The following CAND1 variants were observed in gnomAD, a reference collection of about 807,000 sequenced individuals.
CAND1 encodes the protein cullin-associated NEDD8-dissociated protein 1.
Under a neutral mutation model 108.5 loss-of-function variants are expected in CAND1, and 7 were observed. That is an observed-to-expected ratio of 0.06 (90% CI 0.04 to 0.12). The LOEUF is 0.12. Ranked by LOEUF, CAND1 falls within the 10% of genes least tolerant of loss-of-function variation. CAND1 has a pLI of 1.00. For missense variants in CAND1, 941 were observed against 1,448.7 expected (o/e 0.65, Z 5.69); for synonymous variants, 534 against 512.0 (o/e 1.04, Z -0.58).
Position 67,309,898 on chromosome 12 carries a change from C to G in CAND1, c.3026-3C>G. On this transcript the variant is annotated splice_region_variant and splice_polypyrimidine_tract_variant and intron_variant, in intron 11 of 14. Coordinates refer to ENST00000545606, the MANE Select transcript of CAND1 (RefSeq NM_018448.5). The stretch of plus-strand genomic sequence containing the variant: ...GTCTGTTGCTTTTCTTGTAATATTT[C>G]AGGTGATTTCCTAAAAACTTTGGAA... 6.3e-7 allele frequency: 1 copy of G among 1,590,116 alleles called. No homozygotes were observed.
chr12:67,304,862 C>T (rs1449140647), intron 9 of CAND1, 116 bp downstream of exon 9: 13 of 1,220,982 alleles, frequency 1.1e-5, no homozygotes, highest in East Asian at 2.5e-5. Flanking sequence ...TTAATATGCA[C>T]ATAGAGCTAA....
rs1429982215 is a variant in CAND1, at chr12:67,316,509, AAGTT to A, written c.*3682_*3685del. The A allele has an allele frequency of 6.6e-6, 1 of 152,208 alleles. No homozygotes were observed. The highest frequency in any genetic ancestry group is 1.9e-4 in the East Asian group (1 of 5,194). The allele number at this position is 152,208 out of a possible 1,614,324, so 9.4% of individuals were successfully genotyped here. ...ATGTTTTTGCTCTTTGTAACTTAGA[AAGTT>A]AGCTCTGAATCCAAAAACTACTGAA... On this transcript the variant is annotated 3_prime_UTR_variant, in exon 15 of 15. Coordinates refer to ENST00000545606, the MANE Select transcript of CAND1 (RefSeq NM_018448.5).
chr12:67,302,091 A>G (rs572105842), intron 7 of CAND1, among the ~76,000 whole-genome samples: 2 of 152,258 alleles, frequency 1.3e-5, no homozygotes, highest in Non-Finnish European at 1.5e-5. Context: ...AAAATGTTTA[A>G]CTAATTAAAA....
At chr12:67,300,856 G>A (rs1212717544) in intron 7 of CAND1, among the ~76,000 whole-genome samples, 2 of 152,090 alleles carry the variant, frequency 1.3e-5, no homozygotes, top group African/African-American at 4.8e-5. Context: ...GAAAGCAGTA[G>A]CAATGTATAT....
At chr12:67,294,200 A>G (rs1442880117) in intron 3 of CAND1, among the ~76,000 whole-genome samples, 2 of 152,126 alleles carry the variant, frequency 1.3e-5, no homozygotes, top group African/African-American at 4.8e-5. Flanking sequence ...TCCGGTTCTT[A>G]CAAGAATTTT....
chr12:67,269,926 C>T (rs1227638248), intron 1 of CAND1, 141 bp downstream of exon 1: 3 of 620,638 alleles, frequency 4.8e-6, no homozygotes, highest in African/African-American at 2.0e-5. Context: ...GGTCCGCTGG[C>T]CTCCCGATCC....
chr12:67,311,870 T>G, intron 14 of CAND1, 70 bp downstream of exon 14: 1 of 883,972 alleles, frequency 1.1e-6, no homozygotes, highest in Non-Finnish European at 1.9e-6. Flanking sequence ...TTCTTTTCTC[T>G]AGCTTTCCAA....
rs373853939 is a variant in CAND1, at chr12:67,297,364, G to T, written c.492-43G>T. On this transcript the variant is annotated intron_variant, in intron 4 of 14. Coordinates refer to ENST00000545606, the MANE Select transcript of CAND1 (RefSeq NM_018448.5). ...ACATTTAGTAGTGGCCAGGCATCTT[G>T]AATTCATTTGTTGTTTTCTTTCTTT... 75 of 1,578,690 alleles carry T rather than the reference G, an allele frequency of 4.8e-5. No homozygotes were observed. In the African/African-American group the frequency reaches 9.1e-4, roughly 19 times the overall value.
chr12:67,281,803 A>G, intron 1 of CAND1, 107 bp from the exon 2 acceptor site: 1 of 653,810 alleles, frequency 1.5e-6, no homozygotes, highest in Non-Finnish European at 2.4e-6. Flanking sequence ...TTATAATAAA[A>G]GATGTTTCTG....
intron 4 of CAND1, among the ~76,000 whole-genome samples, chr12:67,295,853 TAAG>T (rs1194955755): frequency 6.6e-6 from 1 of 152,128 alleles, no homozygotes; most frequent in Non-Finnish European, 1.5e-5. Context: ...CGATAGGACA[TAAG>T]AACACCGATG....
intron 2 of CAND1, among the ~76,000 whole-genome samples, chr12:67,288,067 G>A (rs1438902382): frequency 6.7e-6 from 1 of 150,230 alleles, no homozygotes; most frequent in Non-Finnish European, 1.5e-5. Context: ...TTCTGCAGTT[G>A]TTGGGTAAAG....
rs185377517 is a variant in CAND1, at chr12:67,284,345, A to G, written c.212+2292A>G. Among the ~76,000 whole-genome samples the G allele has an allele frequency of 1.6e-3, 238 of 151,816 alleles. 1 individual carries two copies. The highest frequency in any genetic ancestry group is 3.4e-3 in the Middle Eastern group (1 of 294). On this transcript the variant is annotated intron_variant, in intron 2 of 14. Transcript: ENST00000545606. ...TGTTCAAAATAAAATATAGCAGTGT[A>G]TTATTAGTAACATACTGTGACTAAG...
In CAND1 at chr12:67,269,540, G is replaced by T; in HGVS notation, c.-178G>T. Reference sequence around the variant, plus strand: ...TTACCCCGGGACAGGCCCACGCCTCGCCAGGGAGGGGGCAGCCCGTCGAGG... The same window carrying T: ...TTACCCCGGGACAGGCCCACGCCTCTCCAGGGAGGGGGCAGCCCGTCGAGG... On this transcript the variant is annotated 5_prime_UTR_variant, in exon 1 of 15. Transcript: ENST00000545606. 1.7e-6 allele frequency: 1 copy of T among 573,644 alleles called. No homozygotes were observed. Among genetic ancestry groups the T allele is most frequent in the Non-Finnish European group, 3.0e-6 (1 of 332,270 alleles). The allele number at this position is 573,644 out of a possible 1,614,324, so 35.5% of individuals were successfully genotyped here.
intron 2 of CAND1, among the ~76,000 whole-genome samples, chr12:67,284,128 A>G (rs922417287): frequency 6.6e-6 from 1 of 152,182 alleles, no homozygotes; most frequent in African/African-American, 2.4e-5. Flanking sequence ...AGATCCAGAA[A>G]TATTTCACAC....
intron 7 of CAND1, 34 bp from the exon 8 acceptor site, chr12:67,302,289 T>C: frequency 7.0e-6 from 11 of 1,562,838 alleles, no homozygotes; most frequent in Non-Finnish European, 9.6e-6. Flanking sequence ...TCTCTTGTCA[T>C]TAATAGCCTG....
intron 2 of CAND1, among the ~76,000 whole-genome samples, chr12:67,286,644 G>T (rs2044674987): frequency 2.1e-5 from 3 of 144,322 alleles, no homozygotes; most frequent in South Asian, 2.2e-4. Flanking sequence ...TTTTAATTTT[G>T]GTTTTGAATT....
intron 2 of CAND1, among the ~76,000 whole-genome samples, chr12:67,285,158 CAAG>C (rs973288745): frequency 1.3e-5 from 2 of 152,090 alleles, no homozygotes; most frequent in Non-Finnish European, 2.9e-5. Flanking sequence ...GTAAATGTAA[CAAG>C]AAATGTTACA....
At chr12:67,301,778 A>C (rs1398055380) in intron 7 of CAND1, among the ~76,000 whole-genome samples, 1 of 152,202 alleles carries the variant, frequency 6.6e-6, no homozygotes, top group Non-Finnish European at 1.5e-5. Flanking sequence ...AAAGCCTTGT[A>C]GTCACAAAGC....
intron 1 of CAND1, chr12:67,270,110 A>G: frequency 6.5e-6 from 2 of 305,778 alleles, no homozygotes. Context: ...GGGCTAAACC[A>G]CCCACCATTG....
Sources: allele counts gnomAD v4.1 joint callset (sites outside exome capture counted in the v4.1 genomes callset), GRCh38; gene constraint gnomAD v4.1.1; transcripts MANE v1.5; gene names NCBI Gene and HGNC (gene_info 2026-07-23, HGNC 2026-07-21).